Variants in DNAH1 observed in about 807,000 individuals in gnomAD.
DNAH1 encodes dynein axonemal heavy chain 1.
A neutral mutation model predicts 484.3 loss-of-function variants in DNAH1; 327 were observed. The ratio of observed to expected loss-of-function variants is 0.68; its 90% confidence interval spans 0.62 to 0.74. The LOEUF (loss-of-function observed/expected upper bound fraction) is 0.74. Ranked by LOEUF, DNAH1 falls within the 30% of genes least tolerant of loss-of-function variation. DNAH1 has a pLI of 0.00. For synonymous variants in DNAH1, 2,192 were observed against 2,191.9 expected (o/e 1.00, Z 0.00); for missense variants, 5,052 against 5,546.8 (o/e 0.91, Z 2.83).
chr3:52,361,221 C>G lies in DNAH1; in HGVS notation c.4743C>G (p.Gly1581=). 1 of 1,612,602 alleles carries G rather than the reference C, an allele frequency of 6.2e-7. No individual in the cohort carries two copies. Among genetic ancestry groups the G allele is most frequent in the South Asian group, 1.1e-5 (1 of 90,840 alleles). ...LHLKFGGAPA[G]PAGTGKTETT... ...TCAAGTTTGGGGGTGCCCCAGCTGG[C>G]CCAGCTGGCACAGGCAAAACTGAGA... Residue 1581 remains glycine (G), a synonymous_variant, in exon 29 of 78, where the codon GGC becomes GGG. Transcript: ENST00000420323. The surrounding 1 kb of genome is among the most constrained non-coding windows in gnomAD (Gnocchi z 5.6).
Position 52,361,535 on chromosome 3 carries a change from A to G in DNAH1, c.4875-126A>G. ...GGTGGGGAGTGGCAGTGGGTTGAAG[A>G]CTGAGCTGATGGAGATTGCCCCTGA... On this transcript the variant is annotated intron_variant, in intron 29 of 77. Transcript: ENST00000420323. The surrounding 1 kb of genome is among the most constrained non-coding windows in gnomAD (Gnocchi z 5.6). 2 of 1,261,452 alleles carry G rather than the reference A, an allele frequency of 1.6e-6. No individual in the cohort carries two copies. Among genetic ancestry groups the G allele is most frequent in the Non-Finnish European group, 2.2e-6 (2 of 904,860 alleles). The allele number at this position is 1,261,452 out of a possible 1,614,324, so 78.1% of individuals were successfully genotyped here. A position where few individuals can be genotyped will look rare whatever the true frequency, so the allele number is the denominator to read the frequency against.
rs748599858 is a variant in DNAH1, at chr3:52,322,751, C to T, written c.309C>T (p.Ser103=). 34 of 1,608,580 alleles carry T rather than the reference C, an allele frequency of 2.1e-5. No homozygotes were observed. The highest frequency in any genetic ancestry group is 1.8e-4 in the South Asian group (16 of 90,092). ...KQRGFYSDIL[S]PGTLDQLGEV... is the part of the protein sequence containing the mutation. ...GTGGGTTCTACTCCGACATCCTCAG[C>T]CCTGGAACCTTAGATCAACTTGGGG... is the stretch of plus-strand genomic sequence containing the variant. The change falls in exon 2 of 78, where the codon AGC becomes AGT. Residue 103 remains serine, a synonymous_variant. Coordinates refer to ENST00000420323, the MANE Select transcript of DNAH1 (RefSeq NM_015512.5).
intron 48 of DNAH1, among the ~76,000 whole-genome samples, chr3:52,380,664 G>C (rs918015219): frequency 6.6e-6 from 1 of 152,210 alleles, no homozygotes; most frequent in Non-Finnish European, 1.5e-5. Flanking sequence ...GTGCAGGGGG[G>C]CCTGGCTTCT....
chr3:52,318,195 G>A (rs1373827525), intron 1 of DNAH1, among the ~76,000 whole-genome samples: 1 of 152,202 alleles, frequency 6.6e-6, no homozygotes, highest in Non-Finnish European at 1.5e-5. Flanking sequence ...GGGATTATAC[G>A]CACCCGCCAT....
At position 52,357,046 on chromosome 3, in the gene DNAH1, T is replaced by G. The variant is rs1425460043; in HGVS notation, c.3858+268T>G. Among the ~76,000 whole-genome samples, 32 of 151,618 alleles carry G rather than the reference T, an allele frequency of 2.1e-4. 1 individual carries two copies. The highest frequency in any genetic ancestry group is 4.2e-4 in the South Asian group (2 of 4,798). On this transcript the variant is annotated intron_variant, in intron 22 of 77. Coordinates refer to ENST00000420323, the MANE Select transcript of DNAH1 (RefSeq NM_015512.5). ...TGTCTGTTTTTTTTTTTTTGTTTTT[T>G]TTTTTGAAACAGAGTTTTGCTCTTG...
At chr3:52,340,262 G>C (rs935895548) in intron 8 of DNAH1, among the ~76,000 whole-genome samples, 1 of 150,384 alleles carries the variant, frequency 6.6e-6, no homozygotes, top group African/African-American at 2.5e-5. Context: ...TTTATTTTTT[G>C]TAGAGATGGG....
chr3:52,397,068 A>C, intron 73 of DNAH1, 24 bp downstream of exon 73: 1 of 1,570,462 alleles, frequency 6.4e-7, no homozygotes, highest in Non-Finnish European at 8.6e-7. Flanking sequence ...AAAGGGCTGC[A>C]CAGGAGGGGC....
chr3:52,363,288 A>G, intron 32 of DNAH1, 144 bp downstream of exon 32: 2 of 1,128,162 alleles, frequency 1.8e-6, no homozygotes, highest in Non-Finnish European at 2.5e-6. Flanking sequence ...CCTTGGAGAT[A>G]GGAGTTACAT....
In DNAH1 at chr3:52,388,191, A is replaced by G. The variant is rs1212040646; in HGVS notation, c.9028A>G (p.Lys3010Glu). The part of the protein sequence containing the change: ...DKDNIGDVVI[K>E]AIQPYIDNEE... ...GGACAACATTGGGGATGTGGTGATC[A>G]AAGCCATCCAGCCGTACATCGATAA... Residue 3010 changes from lysine to glutamate, a missense_variant, in exon 57 of 78, where the codon AAA (lysine) becomes GAA (glutamate). Lys to Glu is a moderately conservative substitution (Grantham distance 56). This residue lies in a region of DNAH1 where 2,929 missense variants were observed against 3,409.4 expected (regional missense o/e 0.86). Coordinates refer to ENST00000420323, the MANE Select transcript of DNAH1 (RefSeq NM_015512.5). 1 of 1,609,934 alleles carries G rather than the reference A, an allele frequency of 6.2e-7. No individual in the cohort carries two copies. The highest frequency in any genetic ancestry group is 1.1e-5 in the South Asian group (1 of 89,880).
intron 59 of DNAH1, 68 bp from the exon 60 acceptor site, chr3:52,389,393 C>T: frequency 6.3e-7 from 1 of 1,598,924 alleles, no homozygotes; most frequent in East Asian, 2.3e-5. Flanking sequence ...AGCACTGTGG[C>T]TTAGTGGGAG....
intron 39 of DNAH1, 48 bp from the exon 40 acceptor site, chr3:52,370,429 C>T: frequency 6.2e-7 from 1 of 1,612,168 alleles, no homozygotes; most frequent in Non-Finnish European, 8.5e-7. Context: ...CCTCAGGCCG[C>T]TTGATACTGT....
At position 52,355,858 on chromosome 3, in the gene DNAH1, G is replaced by A. The variant is rs77695976; in HGVS notation, c.3694-756G>A. Among the ~76,000 whole-genome samples, 354 of 152,338 alleles carry A rather than the reference G, an allele frequency of 2.3e-3. 1 individual carries two copies. Among genetic ancestry groups the A allele is most frequent in the African/African-American group, 8.0e-3 (334 of 41,574 alleles). On this transcript the variant is annotated intron_variant, in intron 21 of 77. Transcript: ENST00000420323. This position sits in a 1 kb window ranked among gnomAD's most constrained non-coding sequence, Gnocchi z 4.5. ...CACCATCCTTCAAGGGGTTCCCACC[G>A]AGGCCATTGTCGGTGCCTCTTTCAG... is the stretch of plus-strand genomic sequence containing the variant.
Position 52,386,266 on chromosome 3 carries a change from A to T in DNAH1, c.8732A>T (p.Lys2911Met). The change falls in exon 55 of 78, where the codon AAG becomes ATG. Residue 2911 changes from lysine (K) to methionine (M), a missense_variant. This residue lies in a region of DNAH1 where 2,929 missense variants were observed against 3,409.4 expected (regional missense o/e 0.86). Coordinates refer to ENST00000420323, the MANE Select transcript of DNAH1 (RefSeq NM_015512.5). ...KAQAIADDAQ[K>M]DLDEALPALD... ...CAAGCTATTGCTGACGATGCCCAGA[A>T]GGACCTGGACGAGGCGTTGCCAGCC... 1 of 1,612,112 alleles carries T rather than the reference A, an allele frequency of 6.2e-7. No individual in the cohort carries two copies. The highest frequency in any genetic ancestry group is 2.2e-5 in the East Asian group (1 of 44,812).
At chr3:52,344,372 C>A in intron 8 of DNAH1, 118 bp from the exon 9 acceptor site, 1 of 1,298,676 alleles carries the variant, frequency 7.7e-7, no homozygotes, top group Non-Finnish European at 1.0e-6. Flanking sequence ...CCCATGAATC[C>A]AGAAGGGAAG....
intron 76 of DNAH1, 117 bp from the exon 77 acceptor site, chr3:52,399,428 C>G: frequency 5.9e-6 from 6 of 1,012,200 alleles, no homozygotes; most frequent in Non-Finnish European, 7.3e-6. Context: ...GTGGTAGGTA[C>G]GTGATGATGG....
chr3:52,331,675 A>T (rs1213019613), intron 7 of DNAH1, among the ~76,000 whole-genome samples: 27 of 129,828 alleles, frequency 2.1e-4, no homozygotes, highest in African/African-American at 7.3e-4. Context: ...CCCAGGCTGG[A>T]GTGCAGTGGT....
At position 52,352,869 on chromosome 3, in the gene DNAH1, C is replaced by G. The variant is rs1702452203; in HGVS notation, c.3027+162C>G. On this transcript the variant is annotated intron_variant, in intron 18 of 77. Transcript: ENST00000420323. ...CCTGGCCCTCAGGTTGAGGAGGCCC[C>G]TAGTACAAGGCAGGTGGCCTGAGGG... Among the ~76,000 whole-genome samples the G allele has an allele frequency of 2.0e-5, 3 of 152,112 alleles. No homozygotes were observed. In the South Asian group the frequency reaches 6.2e-4, roughly 32 times the overall value.
chr3:52,389,005 C>G, intron 59 of DNAH1, 68 bp downstream of exon 59: 1 of 1,488,466 alleles, frequency 6.7e-7, no homozygotes, highest in Non-Finnish European at 8.9e-7. Context: ...CCCTTGAGGC[C>G]TCGCCTCCAT....
Position 52,383,848 on chromosome 3 carries a change from C to T in DNAH1, c.8151-12C>T. 1.9e-6 allele frequency: 3 copies of T among 1,577,092 alleles called. No homozygotes were observed. The highest frequency in any genetic ancestry group is 2.6e-6 in the Non-Finnish European group (3 of 1,157,980). On this transcript the variant is annotated splice_polypyrimidine_tract_variant and intron_variant, in intron 51 of 77. Coordinates refer to ENST00000420323, the MANE Select transcript of DNAH1 (RefSeq NM_015512.5). ...GTGTCTCTGGACCTCATTTGGATTC[C>T]TGACTTTCCAGCCCCATCGGAGAGG...
Sources: gnomAD v4.1 joint callset for allele counts (sites outside exome capture counted in the v4.1 genomes callset) on GRCh38, gnomAD v4.1.1 for gene constraint, gnomAD v4.1.1 regional missense constraint, Gnocchi (gnomAD v3.1) non-coding constraint, MANE v1.5 for transcripts, NCBI Gene and HGNC (gene_info 2026-07-23, HGNC 2026-07-21) for gene names.